The following CTNNAL1 variants were observed in gnomAD, a reference collection of about 807,000 sequenced individuals.
The protein encoded by CTNNAL1 is catenin alpha like 1.
A neutral mutation model predicts 93.6 loss-of-function variants in CTNNAL1; 69 were observed. The observed-to-expected ratio is 0.74, with a 90% CI of 0.61 to 0.90. CTNNAL1 has a LOEUF of 0.90. Among genes scored for constraint, CTNNAL1 ranks in the 40% least tolerant of loss-of-function variants. CTNNAL1 has a pLI of 0.00. For missense variants in CTNNAL1, 836 were observed against 862.0 expected (o/e 0.97, Z 0.38); for synonymous variants, 286 against 305.4 (o/e 0.94, Z 0.66).
At position 108,990,686 on chromosome 9, in the gene CTNNAL1, T is replaced by C. The variant is rs1166468167; in HGVS notation, c.639+40A>G. On this transcript the variant is annotated intron_variant, in intron 4 of 18. Transcript: ENST00000325551. ...ATACCTCCATCCAAACTAAAAAGTA[T>C]GTATTTATCTGAAGATTGTAAAATG... The C allele has an allele frequency of 2.5e-6, 4 of 1,586,924 alleles. No individual in the cohort carries two copies. The East Asian group carries it at 6.7e-5, about 27-fold the overall frequency.
intron 11 of CTNNAL1, among the ~76,000 whole-genome samples, chr9:108,959,654 ACT>A (rs1441648755): frequency 6.6e-6 from 1 of 152,168 alleles, no homozygotes; most frequent in East Asian, 1.9e-4. Context: ...CATAAACAAA[ACT>A]CTATCATATT....
In CTNNAL1 at chr9:108,965,362, G is replaced by A; in HGVS notation, c.1591+16C>T. On this transcript the variant is annotated intron_variant, in intron 11 of 18. Transcript: ENST00000325551. ...TTAAAATAATAACATATTTCATTAT[G>A]TGGACAGTTTCTCACCTCGTCTTCC... 3.6e-6 allele frequency: 5 copies of A among 1,399,082 alleles called. No homozygotes were observed. The highest frequency in any genetic ancestry group is 4.7e-6 in the Non-Finnish European group (5 of 1,065,072). The allele number at this position is 1,399,082 out of a possible 1,614,324, so 86.7% of individuals were successfully genotyped here. A position where few individuals can be genotyped will look rare whatever the true frequency, so the allele number is the denominator to read the frequency against.
intron 6 of CTNNAL1, among the ~76,000 whole-genome samples, chr9:108,980,325 T>G (rs1262148925): frequency 6.6e-6 from 1 of 152,194 alleles, no homozygotes; most frequent in African/African-American, 2.4e-5. Context: ...TCATGCCATT[T>G]CAACCCTGTA....
chr9:108,972,863 G>GGGGCCCCCCCC, intron 8 of CTNNAL1, 30 bp from the exon 9 acceptor site: 1 of 231,688 alleles, frequency 4.3e-6, no homozygotes, highest in Non-Finnish European at 7.1e-6. Context: ...TGGGGGGGTG[G>GGGGCCCCCCCC]GAGGGTGGAG....
At chr9:108,985,807 C>T (rs1367854530) in intron 4 of CTNNAL1, among the ~76,000 whole-genome samples, 2 of 152,162 alleles carry the variant, frequency 1.3e-5, no homozygotes, top group Non-Finnish European at 2.9e-5. Flanking sequence ...GTATGCCATA[C>T]CTGACACTTA....
chr9:109,001,371 T>C lies in CTNNAL1; in HGVS notation c.142-2115A>G, dbSNP rs553041831. ...TTTTTTAAGCAGGAAAGTGATATAATCTCTGTAGTGGTTTTAAAACATGTC... is the reference window on the plus strand; with the variant it reads ...TTTTTTAAGCAGGAAAGTGATATAACCTCTGTAGTGGTTTTAAAACATGTC... On this transcript the variant is annotated intron_variant, in intron 1 of 18. Coordinates refer to ENST00000325551, the MANE Select transcript of CTNNAL1 (RefSeq NM_003798.4). 2.0e-5 allele frequency among the ~76,000 whole-genome samples: 3 copies of C among 152,226 alleles called. No individual in the cohort carries two copies. The South Asian group carries it at 6.2e-4, about 32-fold the overall frequency.
intron 14 of CTNNAL1, chr9:108,950,537 G>A (rs771968452): frequency 1.4e-5 from 22 of 1,550,192 alleles, no homozygotes; most frequent in African/African-American, 2.7e-5. Context: ...GGTAGAAGAC[G>A]TCATCAAGAG....
At position 108,943,708 on chromosome 9, in the gene CTNNAL1, G is replaced by C. The variant is rs774716122; in HGVS notation, c.2050C>G (p.Leu684Val). 4.4e-6 allele frequency: 7 copies of C among 1,608,814 alleles called. No individual in the cohort carries two copies. The Admixed American group carries it at 8.5e-5, about 20-fold the overall frequency. Residue 684 changes from leucine (L) to valine (V), a missense_variant, in exon 17 of 19, where the codon CTA becomes GTA. Physicochemically the swap from Leu to Val is conservative, Grantham distance 32. Coordinates refer to ENST00000325551, the MANE Select transcript of CTNNAL1 (RefSeq NM_003798.4). ...TKTSLQNKVF[L>V]KVDKCITKTR... ...TTTTCATATGTCTCTTTTACCTTTA[G>C]AAATACTTTATTCTGCAAAGAAGTC... is the stretch of plus-strand genomic sequence containing the variant.
At chr9:108,987,593 G>C (rs1421291174) in intron 4 of CTNNAL1, among the ~76,000 whole-genome samples, 1 of 151,798 alleles carries the variant, frequency 6.6e-6, no homozygotes, top group Non-Finnish European at 1.5e-5. Flanking sequence ...GATGGGGATG[G>C]CATTGAATCT....
At chr9:108,969,523 C>A (rs1035464964) in intron 10 of CTNNAL1, among the ~76,000 whole-genome samples, 6 of 152,014 alleles carry the variant, frequency 3.9e-5, no homozygotes, top group Non-Finnish European at 7.4e-5. Flanking sequence ...CAAATCTGTA[C>A]CCTACTTTTT....
rs563574945 is a variant in CTNNAL1 at position 108,955,856 on chromosome 9, T to A, written c.1592-29A>T. On this transcript the variant is annotated intron_variant, in intron 11 of 18. Transcript: ENST00000325551. The stretch of plus-strand genomic sequence containing the variant: ...CAAATAACACATATAACTTAAAAAA[T>A]TTTTTCTATTAATATATTTTTCTAT... 3.0e-5 allele frequency: 44 copies of A among 1,447,780 alleles called. No homozygotes were observed. In the Middle Eastern group the frequency reaches 7.0e-4, roughly 23 times the overall value. 89.7% of individuals were successfully genotyped at this position (1,447,780 alleles called of 1,614,324 possible). A position where few individuals can be genotyped will look rare whatever the true frequency, so the allele number is the denominator to read the frequency against.
intron 14 of CTNNAL1, chr9:108,950,814 GAGATA>G: frequency 1.9e-6 from 1 of 538,258 alleles, no homozygotes; most frequent in South Asian, 2.9e-5. Context: ...GTGTTTTATA[GAGATA>G]CATTGTGTCC....
rs1350503645 is a variant in CTNNAL1 at position 108,954,967 on chromosome 9, TA to T, written c.1629+822del. On this transcript the variant is annotated intron_variant, in intron 12 of 18. Coordinates refer to ENST00000325551, the MANE Select transcript of CTNNAL1 (RefSeq NM_003798.4). ...TACTATTGATAATCATCAGTAATTT[TA>T]TTTTTTTTTTTTTTGAGACAGTCTT... 1.7e-4 allele frequency among the ~76,000 whole-genome samples: 20 copies of T among 119,216 alleles called. No individual in the cohort carries two copies. In the East Asian group the frequency reaches 4.2e-3, roughly 25 times the overall value. 78.2% of individuals were successfully genotyped at this position (119,216 alleles called of 152,430 possible). A position where few individuals can be genotyped will look rare whatever the true frequency, so the allele number is the denominator to read the frequency against.
intron 7 of CTNNAL1, 104 bp downstream of exon 7, chr9:108,979,177 G>A: frequency 2.1e-6 from 3 of 1,420,704 alleles, no homozygotes; most frequent in Non-Finnish European, 2.9e-6. Context: ...TCCCATTCTG[G>A]AACAAATTCA....
intron 1 of CTNNAL1, among the ~76,000 whole-genome samples, chr9:109,004,237 G>A (rs1365134730): frequency 6.6e-6 from 1 of 152,144 alleles, no homozygotes. Flanking sequence ...TTCAGAGTCA[G>A]ACATTTCAAT....
rs1309121207 is a variant in CTNNAL1 at position 108,966,742 on chromosome 9, A to G, written c.1441-1214T>C. Among the ~76,000 whole-genome samples the G allele has an allele frequency of 2.0e-5, 3 of 152,110 alleles. No individual in the cohort carries two copies. In the East Asian group the frequency reaches 5.8e-4, roughly 29 times the overall value. Reference sequence around the variant, plus strand: ...TACATGAATGAATTAATGAATAACTAACATTTTATCTTTCATATAATAATC... The same window carrying G: ...TACATGAATGAATTAATGAATAACTGACATTTTATCTTTCATATAATAATC... On this transcript the variant is annotated intron_variant, in intron 10 of 18. Transcript: ENST00000325551.
In CTNNAL1 at chr9:108,992,056, T is replaced by A. The variant is rs559128647; in HGVS notation, c.519+576A>T. 5.2e-6 allele frequency: 4 copies of A among 768,356 alleles called. No homozygotes were observed. In the East Asian group the frequency reaches 9.7e-5, roughly 19 times the overall value. 47.6% of individuals were successfully genotyped at this position (768,356 alleles called of 1,614,324 possible). On this transcript the variant is annotated intron_variant, in intron 3 of 18. Transcript: ENST00000325551. ...TGATTTAACTGTGTCTTAAGTTATATATTGTTAGTCTCTGATTTGGGAGGG... is the reference window on the plus strand; with the variant it reads ...TGATTTAACTGTGTCTTAAGTTATAAATTGTTAGTCTCTGATTTGGGAGGG...
chr9:108,979,979 T>C (rs1324978416), intron 6 of CTNNAL1, among the ~76,000 whole-genome samples: 1 of 152,228 alleles, frequency 6.6e-6, no homozygotes, highest in Non-Finnish European at 1.5e-5. Flanking sequence ...GTCACCTAAC[T>C]GGTCTCCCTA....
At chr9:108,984,549 A>G (rs1026430146) in intron 4 of CTNNAL1, 113 bp from the exon 5 acceptor site, 1 of 157,748 alleles carries the variant, frequency 6.3e-6, no homozygotes, top group Admixed American at 6.9e-5. Flanking sequence ...TTGTTAAGTG[A>G]AAAAAAAAAA....
Sources: gnomAD v4.1 joint callset for allele counts (sites outside exome capture counted in the v4.1 genomes callset) on GRCh38, gnomAD v4.1.1 for gene constraint, MANE v1.5 for transcripts, NCBI Gene and HGNC (gene_info 2026-07-23, HGNC 2026-07-21) for gene names.